SYNE2: variants seen among roughly 807,000 people sequenced by gnomAD.
The protein encoded by SYNE2 is nesprin-2.
A neutral mutation model predicts 856.3 loss-of-function variants in SYNE2; 431 were observed. The ratio of observed to expected loss-of-function variants is 0.50; its 90% CI spans 0.47 to 0.55. SYNE2 has a LOEUF of 0.55. SYNE2 is among the 20% of genes least tolerant of loss of function. The pLI, the probability that SYNE2 is intolerant of heterozygous loss-of-function variation, is 0.00. For synonymous variants in SYNE2, 2,923 were observed against 2,872.3 expected, an observed-to-expected ratio of 1.02 and a Z score of -0.56; for missense variants, 8,129 against 8,023.2, an observed-to-expected ratio of 1.01 and a Z score of -0.50.
intron 1 of SYNE2, among the ~76,000 whole-genome samples, chr14:63,904,546 TG>T (rs1416346235): frequency 1.3e-5 from 2 of 152,174 alleles, no homozygotes; most frequent in Non-Finnish European, 2.9e-5. Context: ...TTGGTGGTTT[TG>T]ATTTGTATTT....
rs201427580 is a variant in SYNE2, at chr14:64,177,466, G to A, written c.17539G>A (p.Glu5847Lys). The A allele has an allele frequency of 1.5e-4, 248 of 1,614,030 alleles. 2 individuals are homozygous for A. Among genetic ancestry groups the A allele is most frequent in the Admixed American group, 3.3e-4 (20 of 60,016 alleles). ...LPELHEDLHN[E>K]KELIKELEQS... The stretch of plus-strand genomic sequence containing the variant: ...AGAGCTTCACGAGGACCTCCATAAC[G>A]AAAAAGAGCTGATTAAGGTATTGAA... The change falls in exon 96 of 116, where the codon GAA becomes AAA. Residue 5847 changes from glutamate to lysine, a missense_variant. Transcript: ENST00000555002.
intron 1 of SYNE2, among the ~76,000 whole-genome samples, chr14:63,774,768 T>C (rs1307669191): frequency 6.6e-6 from 1 of 151,984 alleles, no homozygotes; most frequent in Non-Finnish European, 1.5e-5. Context: ...GTATTAATAA[T>C]TGTCTTCATA....
rs780084061 is a variant in SYNE2 at position 63,990,953 on chromosome 14, A to G, written c.2484A>G (p.Val828=). ...EAKEKVQINV[V]KLIAALKNLT... is the part of the protein sequence containing the mutation. Reference sequence around the variant, plus strand: ...TTTTTGTCTTCAAGATCAATGTGGTAAAACTCATTGCAGCGTTGAAGAACT... The same window carrying G: ...TTTTTGTCTTCAAGATCAATGTGGTGAAACTCATTGCAGCGTTGAAGAACT... The change falls in exon 21 of 116, where the codon GTA becomes GTG. Residue 828 remains valine, a synonymous_variant. Transcript: ENST00000555002. The G allele has an allele frequency of 6.2e-7, 1 of 1,614,026 alleles. No individual in the cohort carries two copies. The highest frequency in any genetic ancestry group is 2.2e-5 in the East Asian group (1 of 44,870).
intron 50 of SYNE2, among the ~76,000 whole-genome samples, chr14:64,064,945 A>T (rs2097347088): frequency 6.6e-6 from 1 of 150,852 alleles, no homozygotes; most frequent in African/African-American, 2.4e-5. Context: ...CAACCCTGCA[A>T]CCTGTGCCTC....
intron 2 of SYNE2, among the ~76,000 whole-genome samples, chr14:63,929,769 CAA>C (rs34496182): frequency 7.9e-5 from 10 of 127,018 alleles, no homozygotes; most frequent in African/African-American, 2.6e-4. Context: ...GAAACTGTCT[CAA>C]AAAAAAAAAA....
chr14:64,133,966 T>C (rs2098055659), intron 77 of SYNE2, 103 bp from the exon 78 acceptor site: 1 of 1,383,770 alleles, frequency 7.2e-7, no homozygotes, highest in Non-Finnish European at 1.0e-6. Context: ...GCTTTAATTT[T>C]GTATGGTCTT....
rs1566883104 is a variant in SYNE2 at position 63,948,730 on chromosome 14, A to ATATATGTATATATATATG, written c.409-1094_409-1093insATATGTATATATATATGT. 3.5e-4 allele frequency among the ~76,000 whole-genome samples: 31 copies of ATATATGTATATATATATG among 88,870 alleles called. 1 individual carries two copies. Among genetic ancestry groups the ATATATGTATATATATATG allele is most frequent in the East Asian group, 8.8e-4 (3 of 3,428 alleles). 58.3% of individuals were successfully genotyped at this position (88,870 alleles called of 152,430 possible). A position where few individuals can be genotyped will look rare whatever the true frequency, so the allele number is the denominator to read the frequency against. On this transcript the variant is annotated intron_variant, in intron 6 of 115. Coordinates refer to ENST00000555002, the MANE Select transcript of SYNE2 (RefSeq NM_182914.3). ...TGTATATATATATGTGTGTATATAT[A>ATATATGTATATATATATG]TGTGTATAGATATGTGTGTGTATAT...
intron 1 of SYNE2, among the ~76,000 whole-genome samples, chr14:63,859,566 C>T (rs953135684): frequency 2.0e-5 from 3 of 152,190 alleles, no homozygotes; most frequent in African/African-American, 4.8e-5. Flanking sequence ...CACCTGTAAT[C>T]CCAGCAGTTT....
chr14:63,977,362 A>G (rs980140847), intron 12 of SYNE2, among the ~76,000 whole-genome samples: 1 of 151,902 alleles, frequency 6.6e-6, no homozygotes, highest in Admixed American at 6.5e-5. Context: ...ACAGGTGCCC[A>G]CTACCACACC....
intron 80 of SYNE2, among the ~76,000 whole-genome samples, chr14:64,140,302 C>T (rs917369513): frequency 2.0e-5 from 3 of 152,016 alleles, no homozygotes; most frequent in Admixed American, 6.6e-5. Flanking sequence ...TTAAAACTTG[C>T]GCCAGGTGCA....
intron 1 of SYNE2, among the ~76,000 whole-genome samples, chr14:63,772,603 T>G (rs377030637): frequency 6.6e-6 from 1 of 151,526 alleles, no homozygotes; most frequent in African/African-American, 2.4e-5. Context: ...TTTAGCTGAG[T>G]GCGGTGGTGT....
At chr14:63,776,094 A>T (rs1201207038) in intron 1 of SYNE2, among the ~76,000 whole-genome samples, 1 of 152,236 alleles carries the variant, frequency 6.6e-6, no homozygotes, top group African/African-American at 2.4e-5. Context: ...CCATGGTAGC[A>T]GATGATTAGT....
At chr14:63,853,695 G>C (rs927141093) in intron 1 of SYNE2, among the ~76,000 whole-genome samples, 1 of 151,612 alleles carries the variant, frequency 6.6e-6, no homozygotes, top group African/African-American at 2.4e-5. Flanking sequence ...CCGCGGGTCG[G>C]GGCGCACCGG....
At position 64,179,902 on chromosome 14, in the gene SYNE2, G is replaced by A. The variant is rs537738591; in HGVS notation, c.17556+2419G>A. ...TTTGTTAATGTGGATGAATTGGTCA[G>A]TATTTTCCTATATGATTTGTATTTT... On this transcript the variant is annotated intron_variant, in intron 96 of 115. Coordinates refer to ENST00000555002, the MANE Select transcript of SYNE2 (RefSeq NM_182914.3). Among the ~76,000 whole-genome samples the A allele has an allele frequency of 2.6e-5, 4 of 152,262 alleles. No homozygotes were observed. The South Asian group carries it at 6.2e-4, about 24-fold the overall frequency.
chr14:63,953,135 G>T (rs1052678218), intron 7 of SYNE2, among the ~76,000 whole-genome samples: 1 of 152,202 alleles, frequency 6.6e-6, no homozygotes, highest in African/African-American at 2.4e-5. Flanking sequence ...TCCTGATGGG[G>T]AAAGCAGGAA....
At chr14:63,791,563 A>G (rs1394147767) in intron 1 of SYNE2, among the ~76,000 whole-genome samples, 2 of 152,184 alleles carry the variant, frequency 1.3e-5, no homozygotes, top group African/African-American at 4.8e-5. Flanking sequence ...CTATATTTTT[A>G]CCAGAACTAG....
At chr14:64,034,426 C>A (rs1163712430) in intron 45 of SYNE2, 1 of 445,226 alleles carries the variant, frequency 2.2e-6, no homozygotes, top group Non-Finnish European at 4.0e-6. Flanking sequence ...TTTAAATAGA[C>A]CCCAGAAGAA....
chr14:63,900,407 C>T (rs529867406), intron 1 of SYNE2, among the ~76,000 whole-genome samples: 11 of 152,202 alleles, frequency 7.2e-5, no homozygotes, highest in African/African-American at 2.2e-4. Context: ...GAGCAAGTCA[C>T]GACTTACATG....
chr14:64,124,296 G>C (rs1027403509), intron 70 of SYNE2, among the ~76,000 whole-genome samples: 1 of 151,834 alleles, frequency 6.6e-6, no homozygotes, highest in Non-Finnish European at 1.5e-5. Context: ...GGGCTCAAAC[G>C]ATCTCCTGCC....
Sources: gnomAD v4.1 joint callset for allele counts (sites outside exome capture counted in the v4.1 genomes callset) on GRCh38, gnomAD v4.1.1 for gene constraint, MANE v1.5 for transcripts, NCBI Gene and HGNC (gene_info 2026-07-23, HGNC 2026-07-21) for gene names.